The following DNAJC16 variants were observed in gnomAD, a reference collection of about 807,000 sequenced individuals.
The protein encoded by DNAJC16 is DnaJ heat shock protein family (Hsp40) member C16.
Under a neutral mutation model 92.7 loss-of-function variants are expected in DNAJC16, and 76 were observed. The ratio of observed to expected loss-of-function variants is 0.82; its 90% CI spans 0.68 to 0.99. The LOEUF (loss-of-function observed/expected upper bound fraction) is 0.99. DNAJC16 is among the 50% of genes least tolerant of loss of function. The pLI, the probability that DNAJC16 is intolerant of heterozygous loss-of-function variation, is 0.00. For synonymous variants in DNAJC16, 328 were observed against 358.7 expected (o/e 0.91, Z 0.97); for missense variants, 869 against 942.4 (o/e 0.92, Z 1.02).
chr1:15,563,912 C>G lies in DNAJC16; in HGVS notation c.1339-17C>G, dbSNP rs1036699142. Reference sequence around the variant, plus strand: ...GCTTTTGAAACTTCTGATGTTTTTTCTCTACTTTTCTTCCAGGTGTCTATT... The same window carrying G: ...GCTTTTGAAACTTCTGATGTTTTTTGTCTACTTTTCTTCCAGGTGTCTATT... On this transcript the variant is annotated splice_polypyrimidine_tract_variant and intron_variant, in intron 9 of 14. Transcript: ENST00000375847. The G allele has an allele frequency of 2.5e-6, 4 of 1,579,756 alleles. No individual in the cohort carries two copies. The highest frequency in any genetic ancestry group is 3.4e-6 in the Non-Finnish European group (4 of 1,165,888).
rs1479346780 is a variant in DNAJC16, at chr1:15,528,416, G to A, written c.-18-672G>A. 3.4e-5 allele frequency among the ~76,000 whole-genome samples: 5 copies of A among 147,402 alleles called. No homozygotes were observed. In the East Asian group the frequency reaches 8.0e-4, roughly 24 times the overall value. On this transcript the variant is annotated intron_variant, in intron 1 of 14. Coordinates refer to ENST00000375847, the MANE Select transcript of DNAJC16 (RefSeq NM_015291.4). ...ATCATTGCACTCCAGCCTGGGCAAC[G>A]AGTGAAACTCCGTCTCAAAAAAAAA...
Position 15,568,575 on chromosome 1 carries a change from T to C in DNAJC16, c.*398T>C, listed in dbSNP as rs1170352266. 4 of 409,866 alleles carry C rather than the reference T, an allele frequency of 9.8e-6. No individual in the cohort carries two copies. The highest frequency in any genetic ancestry group is 2.0e-5 in the African/African-American group (1 of 48,808). 25.4% of individuals were successfully genotyped at this position (409,866 alleles called of 1,614,324 possible). ...TGAGCCTGTCGTGCAGGCCAGGTCA[T>C]TGGCCCCTTCCCCAATCCCGGCCCT... On this transcript the variant is annotated 3_prime_UTR_variant, in exon 15 of 15. Coordinates refer to ENST00000375847, the MANE Select transcript of DNAJC16 (RefSeq NM_015291.4).
At chr1:15,556,484 A>G (rs899414011) in intron 7 of DNAJC16, among the ~76,000 whole-genome samples, 2 of 152,092 alleles carry the variant, frequency 1.3e-5, no homozygotes. Context: ...TCGGCCTCCC[A>G]CTGTGCTGGG....
rs747533060 is a variant in DNAJC16 at position 15,536,744 on chromosome 1, C to T, written c.504C>T (p.Ser168=). ...FKKPYLIKIT[S]DWCFSCIHIE... The stretch of plus-strand genomic sequence containing the variant: ...AACCCTACCTCATCAAGATCACCTC[C>T]GATTGGTGCTTTAGCTGCATTCATA... Residue 168 remains serine, a synonymous_variant, in exon 4 of 15, where the codon TCC becomes TCT. Coordinates refer to ENST00000375847, the MANE Select transcript of DNAJC16 (RefSeq NM_015291.4). The T allele has an allele frequency of 3.3e-5, 53 of 1,613,992 alleles. No individual in the cohort carries two copies. The Admixed American group carries it at 5.8e-4, about 18-fold the overall frequency.
intron 1 of DNAJC16, 81 bp from the exon 2 acceptor site, chr1:15,529,005 CTA>C: frequency 2.5e-6 from 3 of 1,205,026 alleles, no homozygotes; most frequent in Non-Finnish European, 3.5e-6. Context: ...TGTTTTTCAT[CTA>C]TATATCTTAT....
chr1:15,550,159 A>C (rs1403661508), intron 7 of DNAJC16, among the ~76,000 whole-genome samples: 1 of 152,236 alleles, frequency 6.6e-6, no homozygotes, highest in South Asian at 2.1e-4. Flanking sequence ...GGAGACGAGA[A>C]GGTGCTGCAA....
At chr1:15,532,771 A>G (rs1477207579) in intron 2 of DNAJC16, among the ~76,000 whole-genome samples, 1 of 151,814 alleles carries the variant, frequency 6.6e-6, no homozygotes, top group Admixed American at 6.6e-5. Flanking sequence ...TGCTGTTTTC[A>G]TTATGACTAG....
At chr1:15,554,215 GA>G (rs979361083) in intron 7 of DNAJC16, among the ~76,000 whole-genome samples, 1 of 150,396 alleles carries the variant, frequency 6.6e-6, no homozygotes, top group African/African-American at 2.5e-5. Context: ...AAAAAAAAAA[GA>G]AAGAAAATTG....
chr1:15,553,475 C>T (rs1451545225), intron 7 of DNAJC16, among the ~76,000 whole-genome samples: 2 of 152,162 alleles, frequency 1.3e-5, no homozygotes, highest in East Asian at 1.9e-4. Context: ...CTCAGATGAT[C>T]CACCCATCTC....
At chr1:15,562,737 C>T (rs1173451057) in intron 9 of DNAJC16, among the ~76,000 whole-genome samples, 12 of 151,868 alleles carry the variant, frequency 7.9e-5, no homozygotes, top group Non-Finnish European at 1.6e-4. Context: ...ATCCTCCCGC[C>T]TCCCAAAGTG....
At chr1:15,536,924 C>G (rs1314841293) in intron 4 of DNAJC16, 110 bp downstream of exon 4, 2 of 913,142 alleles carry the variant, frequency 2.2e-6, no homozygotes, top group Non-Finnish European at 3.1e-6. Context: ...GATCTCGGCT[C>G]ACTGCAACCT....
Position 15,536,407 on chromosome 1 carries a change from A to G in DNAJC16, c.235-68A>G, listed in dbSNP as rs1376403986. 6.1e-6 allele frequency: 8 copies of G among 1,302,340 alleles called. No homozygotes were observed. The African/African-American group carries it at 7.5e-5, about 12-fold the overall frequency. 80.7% of individuals were successfully genotyped at this position (1,302,340 alleles called of 1,614,324 possible). A position where few individuals can be genotyped will look rare whatever the true frequency, so the allele number is the denominator to read the frequency against. On this transcript the variant is annotated intron_variant, in intron 3 of 14. Coordinates refer to ENST00000375847, the MANE Select transcript of DNAJC16 (RefSeq NM_015291.4). Reference sequence around the variant, plus strand: ...ATTTATTTTCTTCCTATGTCTTTCAAGCTGCTTACAAAAAAGTCTTTTGGA... The same window carrying G: ...ATTTATTTTCTTCCTATGTCTTTCAGGCTGCTTACAAAAAAGTCTTTTGGA...
intron 7 of DNAJC16, among the ~76,000 whole-genome samples, chr1:15,558,510 T>G (rs1477003410): frequency 1.3e-5 from 2 of 152,066 alleles, no homozygotes; most frequent in African/African-American, 4.8e-5. Context: ...TTTTTAATTT[T>G]TTGTAGAGAT....
chr1:15,530,729 G>T (rs948665492), intron 2 of DNAJC16, among the ~76,000 whole-genome samples: 9 of 152,008 alleles, frequency 5.9e-5, no homozygotes, highest in Non-Finnish European at 8.8e-5. Context: ...GCTCTGTCAC[G>T]CAGGCTGGAA....
At chr1:15,544,670 C>T (rs536439781) in intron 5 of DNAJC16, 87 bp downstream of exon 5, 6 of 1,311,978 alleles carry the variant, frequency 4.6e-6, no homozygotes, top group Admixed American at 4.1e-5. Flanking sequence ...TTCTGTAGTC[C>T]TCTCAAACCT....
intron 7 of DNAJC16, among the ~76,000 whole-genome samples, chr1:15,553,150 A>C (rs1431493062): frequency 6.6e-6 from 1 of 151,018 alleles, no homozygotes; most frequent in Non-Finnish European, 1.5e-5. Context: ...TTATATGTTC[A>C]TCTCTTTTTT....
chr1:15,560,540 T>G (rs1638667901), intron 8 of DNAJC16, among the ~76,000 whole-genome samples: 1 of 152,218 alleles, frequency 6.6e-6, no homozygotes, highest in African/African-American at 2.4e-5. Flanking sequence ...AATCAGTAGC[T>G]TTAAATTTAG....
At chr1:15,547,353 G>C (rs972228908) in intron 6 of DNAJC16, among the ~76,000 whole-genome samples, 4 of 151,702 alleles carry the variant, frequency 2.6e-5, no homozygotes, top group African/African-American at 9.7e-5. Context: ...TCACCATGTT[G>C]GCCAGGCTGC....
At position 15,557,016 on chromosome 1, in the gene DNAJC16, T is replaced by C. The variant is rs577485109; in HGVS notation, c.1024-2510T>C. On this transcript the variant is annotated intron_variant, in intron 7 of 14. Transcript: ENST00000375847. ...TCATTCTCTAATGTTAAACCTAACT[T>C]GCACTCATGAAATAAATCCAACAAG... Among the ~76,000 whole-genome samples, 8 of 152,378 alleles carry C rather than the reference T, an allele frequency of 5.3e-5. No homozygotes were observed. In the South Asian group the frequency reaches 6.2e-4, roughly 12 times the overall value.
Sources: allele counts gnomAD v4.1 joint callset (sites outside exome capture counted in the v4.1 genomes callset), GRCh38; gene constraint gnomAD v4.1.1; transcripts MANE v1.5; gene names NCBI Gene and HGNC (gene_info 2026-07-23, HGNC 2026-07-21).